The following ASAP1 variants were observed in gnomAD, a reference collection of about 807,000 sequenced individuals.
ASAP1 encodes the protein ArfGAP with SH3 domain, ankyrin repeat and PH domain 1.
A neutral mutation model predicts 145.2 loss-of-function variants in ASAP1; 43 were observed. That is an observed-to-expected ratio of 0.30 (90% CI 0.23 to 0.38). ASAP1 has a LOEUF of 0.38. ASAP1 is among the 10% of genes least tolerant of loss of function. The pLI, the probability that ASAP1 is intolerant of heterozygous loss-of-function variation, is 1.00. For synonymous variants in ASAP1, 546 were observed against 515.5 expected (o/e 1.06, Z -0.80); for missense variants, 1,018 against 1,355.3 (o/e 0.75, Z 3.91).
In ASAP1 at chr8:130,329,104, C is replaced by T. The variant is rs562050077; in HGVS notation, c.186+28913G>A. 6.6e-5 allele frequency among the ~76,000 whole-genome samples: 10 copies of T among 152,322 alleles called. No individual in the cohort carries two copies. In the East Asian group the frequency reaches 1.5e-3, roughly 24 times the overall value. On this transcript the variant is annotated intron_variant, in intron 3 of 29. Transcript: ENST00000518721. ...CCAGATGGTGGGTGGCTCTTCCTCA[C>T]ACTGGATTTAACACTTAGGGTATGA...
At chr8:130,416,493 A>C (rs1408169792) in intron 1 of ASAP1, among the ~76,000 whole-genome samples, 4 of 152,172 alleles carry the variant, frequency 2.6e-5, no homozygotes, top group African/African-American at 9.7e-5. Context: ...ACAACATCTA[A>C]TCAGAGCCAT....
intron 1 of ASAP1, among the ~76,000 whole-genome samples, chr8:130,406,011 T>G (rs149844653): frequency 6.6e-6 from 1 of 152,022 alleles, no homozygotes; most frequent in Non-Finnish European, 1.5e-5. Context: ...AAATCAATTA[T>G]TATCCCAATA....
intron 3 of ASAP1, among the ~76,000 whole-genome samples, chr8:130,302,982 T>C (rs1258313316): frequency 6.6e-6 from 1 of 152,106 alleles, no homozygotes; most frequent in Non-Finnish European, 1.5e-5. Context: ...TACAAGAAAT[T>C]TAAGTCACCA....
At chr8:130,130,935 T>A (rs949616215) in intron 15 of ASAP1, among the ~76,000 whole-genome samples, 5 of 151,512 alleles carry the variant, frequency 3.3e-5, no homozygotes, top group Admixed American at 3.3e-4. Context: ...GGCGGGCAAA[T>A]CACGAGGTCA....
At chr8:130,115,063 T>C (rs910007525) in intron 23 of ASAP1, among the ~76,000 whole-genome samples, 20 of 152,322 alleles carry the variant, frequency 1.3e-4, no homozygotes, top group African/African-American at 4.3e-4. Context: ...CCTAGCTTCA[T>C]GGTTAATTTT....
intron 3 of ASAP1, among the ~76,000 whole-genome samples, chr8:130,338,802 A>C (rs113497138): frequency 0.02 from 3,092 of 152,168 alleles, 101 homozygotes; most frequent in African/African-American, 0.069. Flanking sequence ...CTGACTTCCT[A>C]CTGCTGCTCT....
chr8:130,291,873 T>C (rs1228704837), intron 3 of ASAP1, among the ~76,000 whole-genome samples: 3 of 152,214 alleles, frequency 2.0e-5, no homozygotes, highest in African/African-American at 7.2e-5. Context: ...TACATTTCAC[T>C]GCTTACGAGG....
intron 18 of ASAP1, among the ~76,000 whole-genome samples, chr8:130,122,993 T>G (rs1302490424): frequency 6.6e-6 from 1 of 152,240 alleles, no homozygotes; most frequent in Non-Finnish European, 1.5e-5. Flanking sequence ...AAAGTAAAAC[T>G]TAGGTCTTAT....
intron 9 of ASAP1, 101 bp from the exon 10 acceptor site, chr8:130,169,168 A>C: frequency 1.5e-6 from 1 of 663,452 alleles, no homozygotes; most frequent in Middle Eastern, 3.0e-4. Flanking sequence ...AACCTACAAA[A>C]TCTGAAAATA....
At chr8:130,284,303 A>C (rs1209436801) in intron 3 of ASAP1, among the ~76,000 whole-genome samples, 1 of 152,192 alleles carries the variant, frequency 6.6e-6, no homozygotes, top group Non-Finnish European at 1.5e-5. Context: ...AACTGGACAA[A>C]CAACCATTCT....
At chr8:130,124,560 A>C (rs539611201) in intron 17 of ASAP1, among the ~76,000 whole-genome samples, 1 of 152,370 alleles carries the variant, frequency 6.6e-6, no homozygotes, top group South Asian at 2.1e-4. Context: ...CCAGGACAGA[A>C]AAGGACACAG....
intron 13 of ASAP1, among the ~76,000 whole-genome samples, chr8:130,138,440 G>A (rs1361168573): frequency 6.6e-6 from 1 of 152,174 alleles, no homozygotes; most frequent in Non-Finnish European, 1.5e-5. Flanking sequence ...AGAGAATTTT[G>A]CCAAAGAGGA....
intron 3 of ASAP1, 128 bp downstream of exon 3, chr8:130,357,889 G>T: frequency 7.7e-7 from 1 of 1,296,374 alleles, no homozygotes; most frequent in Non-Finnish European, 1.0e-6. Flanking sequence ...TTATTCACCC[G>T]GCGGCTCCCT....
intron 14 of ASAP1, among the ~76,000 whole-genome samples, chr8:130,135,261 T>C (rs2097591822): frequency 6.6e-6 from 1 of 152,066 alleles, no homozygotes; most frequent in African/African-American, 2.4e-5. Flanking sequence ...GAGGTTGAGG[T>C]AGGAGGACTG....
chr8:130,321,259 C>T (rs552629325), intron 3 of ASAP1, among the ~76,000 whole-genome samples: 5 of 152,180 alleles, frequency 3.3e-5, no homozygotes, highest in Admixed American at 3.3e-4. Flanking sequence ...ATTTACAACC[C>T]ACTCTATAGC....
intron 3 of ASAP1, among the ~76,000 whole-genome samples, chr8:130,245,830 A>G (rs1331955540): frequency 6.6e-6 from 1 of 152,192 alleles, no homozygotes; most frequent in Non-Finnish European, 1.5e-5. Flanking sequence ...TTAATGCCTT[A>G]GTGTTTATTA....
chr8:130,275,798 T>C (rs771780029), intron 3 of ASAP1, among the ~76,000 whole-genome samples: 18 of 152,102 alleles, frequency 1.2e-4, no homozygotes, highest in Non-Finnish European at 2.4e-4. Context: ...AAAAGATAGA[T>C]TTATTTTGCT....
intron 18 of ASAP1, among the ~76,000 whole-genome samples, chr8:130,119,044 T>G (rs932193122): frequency 1.1e-4 from 16 of 152,162 alleles, no homozygotes; most frequent in African/African-American, 3.9e-4. Flanking sequence ...AAAGACCAAT[T>G]AAAAGTTTTC....
chr8:130,206,454 TA>T (rs1036084390), intron 5 of ASAP1, among the ~76,000 whole-genome samples: 27 of 141,292 alleles, frequency 1.9e-4, no homozygotes, highest in African/African-American at 3.1e-4. Context: ...AGAAGAAAAA[TA>T]AAAAAAAAAA....
Sources: gnomAD v4.1 joint callset for allele counts (sites outside exome capture counted in the v4.1 genomes callset) on GRCh38, gnomAD v4.1.1 for gene constraint, MANE v1.5 for transcripts, NCBI Gene and HGNC (gene_info 2026-07-23, HGNC 2026-07-21) for gene names.